Variants in YAF2 observed in about 807,000 individuals in gnomAD.
YAF2 encodes YY1 associated factor 2.
Under a neutral mutation model 20.1 loss-of-function variants are expected in YAF2, and 7 were observed. That is an observed-to-expected ratio of 0.35 (90% CI 0.20 to 0.65). The LOEUF (loss-of-function observed/expected upper bound fraction) is 0.65, where lower values mean the gene tolerates loss of function less well. YAF2 is among the 30% of genes least tolerant of loss of function. The pLI is 0.69. For missense variants in YAF2, 151 were observed against 219.2 expected, an observed-to-expected ratio of 0.69 and a Z score of 1.96; for synonymous variants, 74 against 76.0, an observed-to-expected ratio of 0.97 and a Z score of 0.14.
intron 2 of YAF2, chr12:42,232,443 T>C (rs2068009868): frequency 3.0e-6 from 3 of 985,252 alleles, no homozygotes; most frequent in Non-Finnish European, 3.6e-6. Flanking sequence ...CAAACACTAA[T>C]AATCACTTGT....
intron 2 of YAF2, among the ~76,000 whole-genome samples, chr12:42,162,574 G>A (rs552704989): frequency 6.6e-6 from 1 of 152,296 alleles, no homozygotes; most frequent in African/African-American, 2.4e-5. Flanking sequence ...AAGGAGGGAA[G>A]AAGTAAGATA....
chr12:42,158,439 C>T lies in YAF2; in HGVS notation c.*2150G>A, dbSNP rs1200352743. On this transcript the variant is annotated 3_prime_UTR_variant, in exon 4 of 4. Coordinates refer to ENST00000534854, the MANE Select transcript of YAF2 (RefSeq NM_005748.6). Reference sequence around the variant, plus strand: ...ATTTTACCTATAACAATGGTAAAAGCTCACATTTACTGAGTGACCAGTATG... The same window carrying T: ...ATTTTACCTATAACAATGGTAAAAGTTCACATTTACTGAGTGACCAGTATG... The T allele has an allele frequency of 6.6e-6, 1 of 152,146 alleles. No individual in the cohort carries two copies. The highest frequency in any genetic ancestry group is 1.5e-5 in the Non-Finnish European group (1 of 68,038). The allele number at this position is 152,146 out of a possible 1,614,324, so 9.4% of individuals were successfully genotyped here.
At chr12:42,237,557 ACCC>A in intron 2 of YAF2, 39 bp downstream of exon 2, 1 of 1,480,652 alleles carries the variant, frequency 6.8e-7, no homozygotes, top group Non-Finnish European at 9.0e-7. Context: ...TCTGGTCGCC[ACCC>A]CGCCGGCCGG....
Position 42,160,517 on chromosome 12 carries a change from G to A in YAF2, c.*72C>T. ...ATGAATGTATCTGTCATGAAAATGT[G>A]GTACCTCTTGGCATAATCTGTGTAT... On this transcript the variant is annotated 3_prime_UTR_variant, in exon 4 of 4. Transcript: ENST00000534854. The A allele has an allele frequency of 9.1e-7, 1 of 1,101,620 alleles. No individual in the cohort carries two copies. Among genetic ancestry groups the A allele is most frequent in the Non-Finnish European group, 1.3e-6 (1 of 746,484 alleles). The allele number at this position is 1,101,620 out of a possible 1,614,324, so 68.2% of individuals were successfully genotyped here. A position where few individuals can be genotyped will look rare whatever the true frequency, so the allele number is the denominator to read the frequency against.
intron 2 of YAF2, among the ~76,000 whole-genome samples, chr12:42,162,390 A>G (rs965019635): frequency 6.6e-6 from 1 of 152,166 alleles, no homozygotes; most frequent in African/African-American, 2.4e-5. Flanking sequence ...GACCTACTGT[A>G]AGAACTGTTC....
At chr12:42,223,553 G>A (rs116959789) in intron 2 of YAF2, among the ~76,000 whole-genome samples, 1 of 151,782 alleles carries the variant, frequency 6.6e-6, no homozygotes, top group African/African-American at 2.4e-5. Flanking sequence ...GTACAGACAG[G>A]GTCTCGCTAT....
chr12:42,168,175 ATTTTTTT>A lies in YAF2; in HGVS notation c.153-6417_153-6411del, dbSNP rs972399859. On this transcript the variant is annotated intron_variant, in intron 2 of 3. Transcript: ENST00000534854. ...TCTATCTCAAGAAAAGAAAGACAGCATTTTTTTTTTTTTTTTTTTTGAAATGGAGCTT... is the reference window on the plus strand; with the variant it reads ...TCTATCTCAAGAAAAGAAAGACAGCATTTTTTTTTTTTTGAAATGGAGCTT... Among the ~76,000 whole-genome samples, 7 of 125,958 alleles carry A rather than the reference ATTTTTTT, an allele frequency of 5.6e-5. No individual in the cohort carries two copies. In the South Asian group the frequency reaches 1.2e-3, roughly 22 times the overall value. The allele number at this position is 125,958 out of a possible 152,430, so 82.6% of individuals were successfully genotyped here.
intron 2 of YAF2, among the ~76,000 whole-genome samples, chr12:42,180,338 G>A (rs1263395853): frequency 2.0e-5 from 3 of 152,194 alleles, no homozygotes; most frequent in Non-Finnish European, 4.4e-5. Flanking sequence ...ACTGAGGGAA[G>A]CCTCTGGTCA....
chr12:42,231,506 A>C (rs1167579606), intron 2 of YAF2: 1 of 152,228 alleles, frequency 6.6e-6, no homozygotes, highest in African/African-American at 2.4e-5. Flanking sequence ...ACATAAAAAC[A>C]CAGTTGTTTC....
chr12:42,166,841 AAAGG>A (rs1457108069), intron 2 of YAF2, among the ~76,000 whole-genome samples: 28 of 152,194 alleles, frequency 1.8e-4, no homozygotes, highest in African/African-American at 6.5e-4. Context: ...AAAAAAAAAA[AAAGG>A]AGGGCAAAGA....
intron 2 of YAF2, among the ~76,000 whole-genome samples, chr12:42,222,077 A>G (rs1366590436): frequency 6.6e-6 from 1 of 152,246 alleles, no homozygotes; most frequent in African/African-American, 2.4e-5. Context: ...AAACATGATT[A>G]TAAATCACAG....
chr12:42,237,360 C>T (rs1565670201), intron 2 of YAF2: 1 of 1,185,730 alleles, frequency 8.4e-7, no homozygotes. Context: ...CTAATGCCTC[C>T]CTTAAATAAT....
chr12:42,203,348 C>G (rs898317933), intron 2 of YAF2, among the ~76,000 whole-genome samples: 2 of 152,130 alleles, frequency 1.3e-5, no homozygotes, highest in African/African-American at 4.8e-5. Flanking sequence ...TTAATACAAA[C>G]AGTACTTTCA....
At chr12:42,227,806 GC>G (rs2067785048) in intron 2 of YAF2, among the ~76,000 whole-genome samples, 2 of 145,924 alleles carry the variant, frequency 1.4e-5, no homozygotes, top group South Asian at 4.4e-4. Context: ...GGGGGGGTCA[GC>G]CCCCCGCCTG....
chr12:42,230,870 T>TA (rs2067966002), intron 2 of YAF2, among the ~76,000 whole-genome samples: 1 of 152,136 alleles, frequency 6.6e-6, no homozygotes, highest in Admixed American at 6.5e-5. Context: ...AGTTTCAATT[T>TA]AAAAAGGGCC....
chr12:42,172,395 G>A (rs2137002678), intron 2 of YAF2, among the ~76,000 whole-genome samples: 2 of 152,294 alleles, frequency 1.3e-5, no homozygotes, highest in Admixed American at 1.3e-4. Flanking sequence ...TGTACCATCA[G>A]CAGATGGGCT....
intron 2 of YAF2, among the ~76,000 whole-genome samples, chr12:42,175,534 CAAA>C (rs71084621): frequency 7.0e-6 from 1 of 143,682 alleles, no homozygotes; most frequent in Admixed American, 7.0e-5. Flanking sequence ...AATTATACCT[CAAA>C]AAAAAAAAAG....
At chr12:42,232,636 T>A in intron 2 of YAF2, 2 of 985,360 alleles carry the variant, frequency 2.0e-6, no homozygotes, top group Non-Finnish European at 2.4e-6. Flanking sequence ...ATGTAGATGG[T>A]CCTCAATTTT....
At chr12:42,205,872 C>G (rs1240648562) in intron 2 of YAF2, 1 of 417,984 alleles carries the variant, frequency 2.4e-6, no homozygotes, top group African/African-American at 2.1e-5. Context: ...AATTTTGATA[C>G]AACACTTTTG....
Sources: allele counts gnomAD v4.1 joint callset (sites outside exome capture counted in the v4.1 genomes callset), GRCh38; gene constraint gnomAD v4.1.1; transcripts MANE v1.5; gene names NCBI Gene and HGNC (gene_info 2026-07-23, HGNC 2026-07-21).